SPINK2: variants seen among roughly 807,000 people sequenced by gnomAD.
SPINK2 encodes the protein serine protease inhibitor Kazal-type 2.
In SPINK2, 8 loss-of-function variants were observed where a neutral mutation model predicts 13.5. The observed-to-expected ratio is 0.59, with a 90% CI of 0.35 to 1.07. SPINK2 has a LOEUF of 1.07. Ranked by LOEUF, SPINK2 falls within the 50% of genes least tolerant of loss-of-function variation. The pLI is 0.02. For missense variants in SPINK2, 148 were observed against 180.3 expected, an observed-to-expected ratio of 0.82 and a Z score of 1.03; for synonymous variants, 76 against 74.7, an observed-to-expected ratio of 1.02 and a Z score of -0.09.
chr4:56,821,329 T>C, intron 1 of SPINK2, 129 bp downstream of exon 1: 1 of 1,394,020 alleles, frequency 7.2e-7, no homozygotes, highest in Non-Finnish European at 9.3e-7. Context: ...CCTGAAAATC[T>C]ACTTTAACAG....
At chr4:56,813,498 G>A (rs1717167322) in intron 2 of SPINK2, among the ~76,000 whole-genome samples, 1 of 152,138 alleles carries the variant, frequency 6.6e-6, no homozygotes, top group African/African-American at 2.4e-5. Flanking sequence ...GCTGGCCAGT[G>A]AGCGTTATCA....
Position 56,809,960 on chromosome 4 carries a change from C to CA in SPINK2, c.*178_*179insT, listed in dbSNP as rs2109643675. 6.8e-7 allele frequency: 1 copy of CA among 1,466,830 alleles called. No homozygotes were observed. The highest frequency in any genetic ancestry group is 2.6e-5 in the East Asian group (1 of 37,794). 90.9% of individuals were successfully genotyped at this position (1,466,830 alleles called of 1,614,324 possible). Reference sequence around the variant, plus strand: ...GAGCAAAAGCCAAGAAACAAGGATTCTTTTTTTCTTTAAATTATCCATCAC... The same window carrying CA: ...GAGCAAAAGCCAAGAAACAAGGATTCATTTTTTTCTTTAAATTATCCATCAC... On this transcript the variant is annotated 3_prime_UTR_variant, in exon 4 of 4. Coordinates refer to ENST00000506738, the MANE Select transcript of SPINK2 (RefSeq NM_001271718.2).
rs1280679855 is a variant in SPINK2, at chr4:56,821,592, C to G, written c.71G>C (p.Gly24Ala). The change falls in exon 1 of 4, where the codon GGT (glycine) becomes GCT (alanine). Residue 24 changes from glycine to alanine, a missense_variant. Transcript: ENST00000506738. ...CTCCGGAGGTCCCCGCTCGCCAGGA[C>G]CGCTCCGAGCGCTACCTGCGAAGGT... ...AVTFAGSARS[G>A]PGERGPPEKS... The G allele has an allele frequency of 6.5e-7, 1 of 1,548,788 alleles. No homozygotes were observed. The highest frequency in any genetic ancestry group is 8.7e-7 in the Non-Finnish European group (1 of 1,146,998).
chr4:56,816,521 G>A (rs1717462885), intron 2 of SPINK2, among the ~76,000 whole-genome samples: 1 of 151,734 alleles, frequency 6.6e-6, no homozygotes, highest in South Asian at 2.1e-4. Flanking sequence ...GCGTGGTGGT[G>A]GGTGCCTGTG....
intron 3 of SPINK2, 79 bp from the exon 4 acceptor site, chr4:56,810,263 C>G (rs1041961072): frequency 6.0e-6 from 7 of 1,166,560 alleles, no homozygotes; most frequent in Admixed American, 2.3e-5. Context: ...TAAAAAGACC[C>G]ATGTAGATAG....
chr4:56,814,415 A>C (rs1429421007), intron 2 of SPINK2, among the ~76,000 whole-genome samples: 2 of 152,036 alleles, frequency 1.3e-5, no homozygotes, highest in Non-Finnish European at 2.9e-5. Context: ...TCACTCATTT[A>C]CAGATGTTAC....
chr4:56,815,762 T>TCA (rs140055216), intron 2 of SPINK2, among the ~76,000 whole-genome samples: 13,858 of 142,898 alleles, frequency 0.097, 737 homozygotes, highest in Admixed American at 0.18. Context: ...CCTAAGAAAT[T>TCA]CACACACACA....
At chr4:56,819,504 G>A (rs769794418) in intron 2 of SPINK2, among the ~76,000 whole-genome samples, 1 of 152,162 alleles carries the variant, frequency 6.6e-6, no homozygotes, top group Non-Finnish European at 1.5e-5. Context: ...GAGGCCAGCC[G>A]GCTATAAGCC....
intron 2 of SPINK2, among the ~76,000 whole-genome samples, chr4:56,815,266 T>G (rs1342436983): frequency 2.0e-5 from 3 of 152,114 alleles, no homozygotes; most frequent in African/African-American, 4.8e-5. Context: ...GACTCAATGC[T>G]TTTCCCTAAA....
chr4:56,813,406 G>T (rs112342541), intron 2 of SPINK2, among the ~76,000 whole-genome samples: 2 of 152,042 alleles, frequency 1.3e-5, no homozygotes, highest in Admixed American at 1.3e-4. Context: ...TCTAGAGCAG[G>T]GGTTTCCAAC....
At chr4:56,815,705 C>T (rs1245514988) in intron 2 of SPINK2, among the ~76,000 whole-genome samples, 3 of 150,602 alleles carry the variant, frequency 2.0e-5, no homozygotes, top group Non-Finnish European at 3.0e-5. Context: ...TCTCAAAAAA[C>T]AAACAAACAA....
intron 2 of SPINK2, among the ~76,000 whole-genome samples, chr4:56,815,115 C>T (rs1560415004): frequency 6.6e-6 from 1 of 151,592 alleles, no homozygotes; most frequent in Non-Finnish European, 1.5e-5. Context: ...AAACAAAAAA[C>T]ACAGCACTCA....
chr4:56,819,524 G>C (rs1717749609), intron 2 of SPINK2, among the ~76,000 whole-genome samples: 1 of 152,104 alleles, frequency 6.6e-6, no homozygotes, highest in African/African-American at 2.4e-5. Context: ...CAGACTTGAA[G>C]GAAATCAGAC....
upstream of SPINK2, chr4:56,821,765 GGC>G: frequency 2.5e-6 from 3 of 1,218,520 alleles, no homozygotes; most frequent in Admixed American, 3.9e-5. Flanking sequence ...GAAGGGGCGG[GGC>G]GAGAATGGGA....
chr4:56,810,969 G>C (rs1240073085), intron 3 of SPINK2, among the ~76,000 whole-genome samples: 1 of 150,360 alleles, frequency 6.7e-6, no homozygotes, highest in Non-Finnish European at 1.5e-5. Context: ...TCATTACTTA[G>C]CATTCTAGAC....
Position 56,820,498 on chromosome 4 carries a change from T to C in SPINK2, c.249+38A>G, listed in dbSNP as rs1176722337. On this transcript the variant is annotated intron_variant, in intron 2 of 3. Coordinates refer to ENST00000506738, the MANE Select transcript of SPINK2 (RefSeq NM_001271718.2). ...CCTCCCAAACGGTTTTGGGCTTCAC[T>C]GTATTAGTAGAAACAGTAGAAGTGG... 3.2e-6 allele frequency: 5 copies of C among 1,564,934 alleles called. No homozygotes were observed. In the Admixed American group the frequency reaches 5.0e-5, roughly 16 times the overall value.
intron 2 of SPINK2, among the ~76,000 whole-genome samples, chr4:56,813,596 C>T (rs1197270611): frequency 6.6e-6 from 1 of 151,086 alleles, no homozygotes; most frequent in Non-Finnish European, 1.5e-5. Flanking sequence ...TGTGAGGAAT[C>T]TAGGTTGTGC....
intron 2 of SPINK2, among the ~76,000 whole-genome samples, chr4:56,818,713 G>C (rs984519961): frequency 1.3e-5 from 2 of 152,106 alleles, no homozygotes; most frequent in African/African-American, 4.8e-5. Flanking sequence ...TGCCTCCTGA[G>C]CGTGAGTGCC....
At chr4:56,820,756 C>A (rs3733304) in intron 1 of SPINK2, among the ~76,000 whole-genome samples, 177 bp from the exon 2 acceptor site, 1 of 151,826 alleles carries the variant, frequency 6.6e-6, no homozygotes, top group African/African-American at 2.4e-5. Context: ...GAGGCATTAG[C>A]CACCACATCC....
Sources: gnomAD v4.1 joint callset for allele counts (sites outside exome capture counted in the v4.1 genomes callset) on GRCh38, gnomAD v4.1.1 for gene constraint, MANE v1.5 for transcripts, NCBI Gene and HGNC (gene_info 2026-07-23, HGNC 2026-07-21) for gene names.